OCA2: variants seen among roughly 807,000 people sequenced by gnomAD.
The protein encoded by OCA2 is OCA2 melanosomal transmembrane protein.
In OCA2, 77 loss-of-function variants were observed where a neutral mutation model predicts 100.2. That is an observed-to-expected ratio of 0.77 (90% CI 0.64 to 0.93). OCA2 has a LOEUF of 0.93. OCA2 is among the 40% of genes least tolerant of loss of function. The probability of loss-of-function intolerance (pLI) is 0.00; values close to 1 mark genes in which losing one functional copy is unlikely to be tolerated. For synonymous variants in OCA2, 432 were observed against 439.2 expected (o/e 0.98, Z 0.21); for missense variants, 1,062 against 1,089.1 (o/e 0.98, Z 0.35).
chr15:27,810,396 T>C (rs2034028467), intron 23 of OCA2, among the ~76,000 whole-genome samples: 1 of 152,218 alleles, frequency 6.6e-6, no homozygotes. Context: ...TGTGAAATCA[T>C]AAACATTCTA....
At chr15:28,094,755 G>C (rs896631154) in intron 1 of OCA2, among the ~76,000 whole-genome samples, 2 of 152,164 alleles carry the variant, frequency 1.3e-5, no homozygotes, top group Non-Finnish European at 2.9e-5. Flanking sequence ...CCTGCTGCCA[G>C]CACCGTTCTC....
chr15:27,990,330 A>G (rs1285287074), intron 10 of OCA2, among the ~76,000 whole-genome samples: 1 of 152,220 alleles, frequency 6.6e-6, no homozygotes, highest in African/African-American at 2.4e-5. Context: ...CATGCCCATG[A>G]GGAGCCTTTC....
intron 15 of OCA2, among the ~76,000 whole-genome samples, chr15:27,964,301 C>G (rs1230882262): frequency 1.3e-5 from 2 of 152,202 alleles, no homozygotes; most frequent in Non-Finnish European, 2.9e-5. Context: ...CTAATGTACA[C>G]AAAAACAAAA....
At chr15:28,070,547 C>T (rs1178506068) in intron 2 of OCA2, among the ~76,000 whole-genome samples, 1 of 141,182 alleles carries the variant, frequency 7.1e-6, no homozygotes, top group Non-Finnish European at 1.5e-5. Context: ...GTGGGGGGGT[C>T]AGCCCTCCGC....
chr15:27,882,027 T>C (rs962185910), intron 19 of OCA2, among the ~76,000 whole-genome samples: 7 of 152,224 alleles, frequency 4.6e-5, no homozygotes, highest in African/African-American at 1.7e-4. Flanking sequence ...AATTCCCCTC[T>C]TACCACTGCT....
chr15:27,812,510 T>A (rs1439493911), intron 23 of OCA2, among the ~76,000 whole-genome samples: 5 of 152,172 alleles, frequency 3.3e-5, no homozygotes, highest in Non-Finnish European at 5.9e-5. Flanking sequence ...ACAAAACTTT[T>A]AAAAAATATA....
At chr15:28,067,813 G>A (rs2044071241) in intron 2 of OCA2, among the ~76,000 whole-genome samples, 1 of 152,142 alleles carries the variant, frequency 6.6e-6, no homozygotes, top group South Asian at 2.1e-4. Context: ...TATGTTCTGT[G>A]GTTGTTGGAG....
intron 9 of OCA2, among the ~76,000 whole-genome samples, chr15:28,011,214 T>C (rs1020722709): frequency 3.3e-5 from 5 of 152,106 alleles, no homozygotes; most frequent in Non-Finnish European, 5.9e-5. Context: ...CCTGTAATCT[T>C]AGCACTTTAA....
chr15:27,962,124 T>C (rs1339711912), intron 15 of OCA2, among the ~76,000 whole-genome samples: 2 of 152,174 alleles, frequency 1.3e-5, no homozygotes, highest in Admixed American at 6.5e-5. Context: ...AGATTACAGA[T>C]AGATAAATAG....
At chr15:28,001,655 T>G (rs1226791990) in intron 9 of OCA2, among the ~76,000 whole-genome samples, 1 of 151,968 alleles carries the variant, frequency 6.6e-6, no homozygotes, top group Non-Finnish European at 1.5e-5. Context: ...GGAAAAATGT[T>G]GCAGAGAAAC....
intron 23 of OCA2, among the ~76,000 whole-genome samples, chr15:27,770,515 G>GCC: frequency 6.6e-6 from 1 of 151,600 alleles, no homozygotes; most frequent in Non-Finnish European, 1.5e-5. Flanking sequence ...CCTCCCCGCA[G>GCC]GCCGCCGGGC....
chr15:27,886,435 G>A (rs1352697293), intron 19 of OCA2, among the ~76,000 whole-genome samples: 1 of 152,110 alleles, frequency 6.6e-6, no homozygotes, highest in East Asian at 1.9e-4. Context: ...AAAATGCATG[G>A]CAACTCTTGT....
At chr15:27,788,874 TC>T (rs1344920120) in intron 23 of OCA2, among the ~76,000 whole-genome samples, 1 of 152,114 alleles carries the variant, frequency 6.6e-6, no homozygotes, top group African/African-American at 2.4e-5. Flanking sequence ...CTTTGTGTTT[TC>T]AATTTGTTTT....
intron 1 of OCA2, among the ~76,000 whole-genome samples, chr15:28,083,461 T>C (rs1387445308): frequency 1.3e-5 from 2 of 152,194 alleles, no homozygotes; most frequent in African/African-American, 4.8e-5. Flanking sequence ...GGCAGAATGT[T>C]CTTGTATCAT....
At position 27,884,850 on chromosome 15, in the gene OCA2, T is replaced by G. The variant is rs547719304; in HGVS notation, c.2080-12928A>C. 5.3e-5 allele frequency among the ~76,000 whole-genome samples: 8 copies of G among 152,316 alleles called. No individual in the cohort carries two copies. The South Asian group carries it at 1.7e-3, about 32-fold the overall frequency. On this transcript the variant is annotated intron_variant, in intron 19 of 23. Coordinates refer to ENST00000354638, the MANE Select transcript of OCA2 (RefSeq NM_000275.3). The stretch of plus-strand genomic sequence containing the variant: ...TTACTGCTAAGGGAGTATTTTCTCT[T>G]TCTGCTGTTTATTTCCCCAAAGGCA...
At chr15:27,943,421 C>A (rs1006716419) in intron 18 of OCA2, among the ~76,000 whole-genome samples, 1 of 152,162 alleles carries the variant, frequency 6.6e-6, no homozygotes, top group African/African-American at 2.4e-5. Flanking sequence ...AAATACGCTT[C>A]TTTGACACAT....
intron 19 of OCA2, among the ~76,000 whole-genome samples, chr15:27,897,606 G>C (rs2037759886): frequency 6.6e-6 from 1 of 152,250 alleles, no homozygotes; most frequent in Non-Finnish European, 1.5e-5. Context: ...ATGTCCAGGA[G>C]AAGTTTGCTG....
At chr15:27,904,159 C>T (rs1421097518) in intron 19 of OCA2, among the ~76,000 whole-genome samples, 1 of 152,110 alleles carries the variant, frequency 6.6e-6, no homozygotes, top group African/African-American at 2.4e-5. Flanking sequence ...ACCGTCCTGC[C>T]GGAGCAGCAA....
the OCA2 span, among the ~76,000 whole-genome samples, chr15:27,744,260 A>T: frequency 6.6e-6 from 1 of 152,182 alleles, no homozygotes; most frequent in Non-Finnish European, 1.5e-5. Context: ...GTCTTTCAAA[A>T]GTTGATAAAT....
Sources: allele counts gnomAD v4.1 joint callset (sites outside exome capture counted in the v4.1 genomes callset), GRCh38; gene constraint gnomAD v4.1.1; transcripts MANE v1.5; gene names NCBI Gene and HGNC (gene_info 2026-07-23, HGNC 2026-07-21).